The following ARHGAP44 variants were observed in gnomAD, a reference collection of about 807,000 sequenced individuals.
ARHGAP44 encodes Rho GTPase activating protein 44.
A neutral mutation model predicts 106.8 loss-of-function variants in ARHGAP44; 43 were observed. The ratio of observed to expected loss-of-function variants is 0.40; its 90% CI spans 0.32 to 0.52. The LOEUF is 0.52. Among genes scored for constraint, ARHGAP44 ranks in the 20% least tolerant of loss-of-function variants. The pLI is 0.48. For synonymous variants in ARHGAP44, 439 were observed against 410.3 expected, an observed-to-expected ratio of 1.07 and a Z score of -0.85; for missense variants, 866 against 1,050.5, an observed-to-expected ratio of 0.82 and a Z score of 2.43.
intron 1 of ARHGAP44, among the ~76,000 whole-genome samples, chr17:12,803,015 C>T (rs1198395741): frequency 7.7e-6 from 1 of 130,686 alleles, no homozygotes; most frequent in Non-Finnish European, 1.6e-5. Context: ...CTCTGTCACC[C>T]AGGCTGAAGT....
intron 10 of ARHGAP44, among the ~76,000 whole-genome samples, chr17:12,946,304 A>G (rs1567701686): frequency 6.6e-6 from 1 of 152,038 alleles, no homozygotes. Flanking sequence ...ATATCATTTC[A>G]TTTATAATAC....
intron 17 of ARHGAP44, chr17:12,973,822 C>T (rs1776257226): frequency 1.8e-6 from 1 of 568,690 alleles, no homozygotes; most frequent in Admixed American, 3.3e-5. Context: ...AGCTTGTGGC[C>T]GCCAGCGCTG....
chr17:12,889,039 T>TA (rs1212768997), intron 1 of ARHGAP44, among the ~76,000 whole-genome samples: 1 of 152,226 alleles, frequency 6.6e-6, no homozygotes, highest in African/African-American at 2.4e-5. Context: ...TCTTGTCTTT[T>TA]AATTGGTGTG....
chr17:12,869,206 CTA>C (rs1032081078), intron 1 of ARHGAP44, among the ~76,000 whole-genome samples: 18 of 152,134 alleles, frequency 1.2e-4, no homozygotes, highest in African/African-American at 4.1e-4. Flanking sequence ...AAAATAATGT[CTA>C]GATATTTTGG....
chr17:12,957,584 G>A (rs772146300), intron 15 of ARHGAP44, among the ~76,000 whole-genome samples: 8 of 152,012 alleles, frequency 5.3e-5, no homozygotes, highest in Non-Finnish European at 7.4e-5. Flanking sequence ...AATCTCAAAG[G>A]CAATGAGATT....
chr17:12,869,097 G>C (rs2036329730), intron 1 of ARHGAP44, among the ~76,000 whole-genome samples: 1 of 152,154 alleles, frequency 6.6e-6, no homozygotes, highest in Non-Finnish European at 1.5e-5. Flanking sequence ...TGAGAAGAAA[G>C]TTTTAAGCCT....
chr17:12,951,586 G>A (rs2038992685), intron 12 of ARHGAP44, among the ~76,000 whole-genome samples: 2 of 152,182 alleles, frequency 1.3e-5, no homozygotes, highest in Admixed American at 1.3e-4. Context: ...AGATACTCCT[G>A]TTCCCACTTC....
At chr17:12,903,154 TG>T (rs2037445071) in intron 3 of ARHGAP44, among the ~76,000 whole-genome samples, 9 of 140,396 alleles carry the variant, frequency 6.4e-5, no homozygotes, top group Admixed American at 6.2e-4. Context: ...TGTGTGTGTG[TG>T]TGTGTGTGTG....
At chr17:12,877,882 C>A (rs1461099692) in intron 1 of ARHGAP44, among the ~76,000 whole-genome samples, 1 of 152,192 alleles carries the variant, frequency 6.6e-6, no homozygotes, top group Non-Finnish European at 1.5e-5. Context: ...CAGAGAAGTC[C>A]TCCTTGCTTG....
At chr17:12,822,081 A>G (rs2034787068) in intron 1 of ARHGAP44, among the ~76,000 whole-genome samples, 1 of 152,158 alleles carries the variant, frequency 6.6e-6, no homozygotes, top group South Asian at 2.1e-4. Context: ...CTGAGCCTGG[A>G]TTTGGTCAAG....
intron 1 of ARHGAP44, among the ~76,000 whole-genome samples, chr17:12,809,392 A>G (rs2034372788): frequency 6.6e-6 from 1 of 152,220 alleles, no homozygotes; most frequent in African/African-American, 2.4e-5. Flanking sequence ...TCACAGTTCC[A>G]CATGACTGGG....
At chr17:12,831,975 CT>C (rs1362552824) in intron 1 of ARHGAP44, among the ~76,000 whole-genome samples, 1 of 152,086 alleles carries the variant, frequency 6.6e-6, no homozygotes, top group East Asian at 1.9e-4. Context: ...TGTTGAGAGT[CT>C]TTAGTTCTTA....
intron 1 of ARHGAP44, among the ~76,000 whole-genome samples, chr17:12,797,392 T>C (rs1441787601): frequency 1.3e-5 from 2 of 152,240 alleles, no homozygotes; most frequent in East Asian, 1.9e-4. Context: ...ACCCACCATA[T>C]TGAAGTATCA....
At chr17:12,883,992 C>T (rs749132244) in intron 1 of ARHGAP44, among the ~76,000 whole-genome samples, 8 of 152,070 alleles carry the variant, frequency 5.3e-5, no homozygotes, top group Admixed American at 2.0e-4. Flanking sequence ...TCAGAATTCT[C>T]GTAACTTCTT....
chr17:12,872,969 A>G (rs777433085), intron 1 of ARHGAP44, among the ~76,000 whole-genome samples: 6 of 152,200 alleles, frequency 3.9e-5, no homozygotes, highest in Non-Finnish European at 7.3e-5. Flanking sequence ...TTATCCCGAC[A>G]TTAGCGTAAC....
At chr17:12,970,002 A>G (rs1471996148) in intron 16 of ARHGAP44, among the ~76,000 whole-genome samples, 5 of 152,122 alleles carry the variant, frequency 3.3e-5, no homozygotes, top group Admixed American at 6.5e-5. Context: ...GATAAATCCT[A>G]TGCAAATATA....
chr17:12,882,530 A>G (rs2150901204), intron 1 of ARHGAP44, among the ~76,000 whole-genome samples: 1 of 152,054 alleles, frequency 6.6e-6, no homozygotes, highest in East Asian at 1.9e-4. Context: ...GTTTTATTTT[A>G]TTTTATTTTC....
chr17:12,842,246 A>G (rs1015780225), intron 1 of ARHGAP44, among the ~76,000 whole-genome samples: 10 of 151,762 alleles, frequency 6.6e-5, no homozygotes, highest in Admixed American at 1.3e-4. Flanking sequence ...CCCCATCTAT[A>G]AAAAATATAT....
intron 1 of ARHGAP44, among the ~76,000 whole-genome samples, chr17:12,799,936 A>G (rs2034038072): frequency 6.6e-6 from 1 of 152,128 alleles, no homozygotes. Flanking sequence ...GCCAGAGAAA[A>G]TTAATTTTTT....
Sources: allele counts gnomAD v4.1 joint callset (sites outside exome capture counted in the v4.1 genomes callset), GRCh38; gene constraint gnomAD v4.1.1; transcripts MANE v1.5; gene names NCBI Gene and HGNC (gene_info 2026-07-23, HGNC 2026-07-21).